The following MECOM variants were observed in gnomAD, a reference collection of about 807,000 sequenced individuals.
MECOM encodes the protein MDS1 and EVI1 complex locus, also known as histone-lysine N-methyltransferase MECOM.
In MECOM, 13 loss-of-function variants were observed where a neutral mutation model predicts 116.3. That is an observed-to-expected ratio of 0.11 (90% CI 0.07 to 0.18). The LOEUF (loss-of-function observed/expected upper bound fraction) is 0.18. Ranked by LOEUF, MECOM falls within the 10% of genes least tolerant of loss-of-function variation. The pLI, the probability that MECOM is intolerant of heterozygous loss-of-function variation, is 1.00. For missense variants in MECOM, 1,299 were observed against 1,509.0 expected, an observed-to-expected ratio of 0.86 and a Z score of 2.31; for synonymous variants, 528 against 535.2, an observed-to-expected ratio of 0.99 and a Z score of 0.19.
chr3:169,494,611 C>T (rs1029025394), intron 1 of MECOM, among the ~76,000 whole-genome samples: 4 of 152,216 alleles, frequency 2.6e-5, no homozygotes, highest in South Asian at 2.1e-4. Flanking sequence ...TTTTATTATA[C>T]ACCACTAAGA....
intron 1 of MECOM, among the ~76,000 whole-genome samples, chr3:169,581,744 G>A (rs1765148415): frequency 6.6e-6 from 1 of 152,194 alleles, no homozygotes; most frequent in Non-Finnish European, 1.5e-5. Flanking sequence ...ATGTGTTAGA[G>A]ACACTGAAAG....
Position 169,131,349 on chromosome 3 carries a change from C to A in MECOM, c.613+80G>T, listed in dbSNP as rs1444074890. The A allele has an allele frequency of 2.6e-5, 31 of 1,206,984 alleles. No individual in the cohort carries two copies. The East Asian group carries it at 6.6e-4, about 26-fold the overall frequency. The allele number at this position is 1,206,984 out of a possible 1,614,324, so 74.8% of individuals were successfully genotyped here. A position where few individuals can be genotyped will look rare whatever the true frequency, so the allele number is the denominator to read the frequency against. ...AAAAGCCAGGGAAACTAACAAACAC[C>A]AGGAACAATGGATGCTTTCGATGCT... On this transcript the variant is annotated intron_variant, in intron 4 of 16. Coordinates refer to ENST00000651503, the MANE Select transcript of MECOM (RefSeq NM_004991.4).
At chr3:169,262,421 G>A (rs1282506085) in intron 2 of MECOM, among the ~76,000 whole-genome samples, 1 of 152,150 alleles carries the variant, frequency 6.6e-6, no homozygotes, top group Non-Finnish European at 1.5e-5. Flanking sequence ...ATGCTTCTCA[G>A]ATATCAAGAA....
intron 1 of MECOM, among the ~76,000 whole-genome samples, chr3:169,433,704 G>GAAAGA: frequency 1.3e-5 from 2 of 151,040 alleles, no homozygotes; most frequent in South Asian, 2.1e-4. Context: ...AGAAAGAAAA[G>GAAAGA]AAAGAAAGAA....
At chr3:169,281,940 C>T (rs1164712445) in intron 2 of MECOM, among the ~76,000 whole-genome samples, 1 of 152,148 alleles carries the variant, frequency 6.6e-6, no homozygotes, top group African/African-American at 2.4e-5. Flanking sequence ...CACATTATTT[C>T]CTTGGGACTA....
intron 1 of MECOM, among the ~76,000 whole-genome samples, chr3:169,539,538 C>T (rs558949800): frequency 4.6e-5 from 7 of 152,280 alleles, no homozygotes; most frequent in African/African-American, 1.7e-4. Flanking sequence ...TCACCACCAC[C>T]CACTCATCTC....
In MECOM at chr3:169,178,760, G is replaced by A. The variant is rs73031245; in HGVS notation, c.376-34928C>T. On this transcript the variant is annotated intron_variant, in intron 2 of 16. Coordinates refer to ENST00000651503, the MANE Select transcript of MECOM (RefSeq NM_004991.4). ...TGTGATAAATCCTAGGATATGTTAC[G>A]CTAGATATCCAACATCCAATGTTTT... Among the ~76,000 whole-genome samples the A allele has an allele frequency of 5.0e-3, 758 of 152,130 alleles. 11 individuals are homozygous for A. The highest frequency in any genetic ancestry group is 0.017 in the African/African-American group (689 of 41,482).
At chr3:169,147,741 AGT>A (rs555989833) in intron 2 of MECOM, 2 of 917,328 alleles carry the variant, frequency 2.2e-6, no homozygotes, top group Non-Finnish European at 1.3e-6. Context: ...TGTGCGCGCG[AGT>A]GTGTGTGTGC....
At chr3:169,160,785 T>G (rs986473815) in intron 2 of MECOM, among the ~76,000 whole-genome samples, 1 of 152,042 alleles carries the variant, frequency 6.6e-6, no homozygotes, top group Non-Finnish European at 1.5e-5. Context: ...AAATATCTCA[T>G]GTACCCCATA....
At chr3:169,585,896 G>T (rs1165778146) in intron 1 of MECOM, among the ~76,000 whole-genome samples, 1 of 152,170 alleles carries the variant, frequency 6.6e-6, no homozygotes, top group African/African-American at 2.4e-5. Context: ...AGAAAAAAAT[G>T]TTAAGAACAT....
chr3:169,256,059 G>A (rs1356776552), intron 2 of MECOM, among the ~76,000 whole-genome samples: 1 of 152,006 alleles, frequency 6.6e-6, no homozygotes, highest in African/African-American at 2.4e-5. Flanking sequence ...TCATTCTCTG[G>A]TTTTTCTAGA....
chr3:169,127,939 G>A lies in MECOM; in HGVS notation c.735C>T (p.Asp245=), dbSNP rs1176170635. Residue 245 remains aspartate (D), a synonymous_variant, in exon 5 of 17, where the codon GAC becomes GAT. Transcript: ENST00000651503. ...TCTCGCTTTCGAGTTTTTGCTGAAA[G>A]TCCTCTTCAACCATTGAAAATGCTG... The part of the protein sequence containing the change: ...PHSAFSMVEE[D]FQQKLESEND... 6.2e-7 allele frequency: 1 copy of A among 1,614,104 alleles called. No individual in the cohort carries two copies. Among genetic ancestry groups the A allele is most frequent in the Non-Finnish European group, 8.5e-7 (1 of 1,179,952 alleles).
chr3:169,398,816 G>T (rs770279550), intron 1 of MECOM, among the ~76,000 whole-genome samples: 3 of 152,176 alleles, frequency 2.0e-5, no homozygotes, highest in Non-Finnish European at 4.4e-5. Context: ...ACATCAGAAA[G>T]TCTTAGGTGC....
chr3:169,553,259 TA>T (rs1299565625), intron 1 of MECOM, among the ~76,000 whole-genome samples: 1 of 151,876 alleles, frequency 6.6e-6, no homozygotes, highest in Admixed American at 6.6e-5. Context: ...AAATAAAGCA[TA>T]AAAAAGGGGG....
At chr3:169,117,061 T>TCTC (rs1403976677) in intron 7 of MECOM, among the ~76,000 whole-genome samples, 1 of 152,194 alleles carries the variant, frequency 6.6e-6, no homozygotes, top group African/African-American at 2.4e-5. Context: ...ATGCATTGAT[T>TCTC]CTCCACACAA....
intron 1 of MECOM, chr3:169,476,989 C>T (rs1578208540): frequency 6.6e-6 from 1 of 150,392 alleles, no homozygotes; most frequent in East Asian, 2.0e-4. Context: ...TTACCTGCTG[C>T]TATGGATAAA....
chr3:169,626,815 C>T (rs1221820519), intron 1 of MECOM, among the ~76,000 whole-genome samples: 4 of 151,026 alleles, frequency 2.6e-5, no homozygotes, highest in Non-Finnish European at 5.9e-5. Flanking sequence ...TTTAAGGTTT[C>T]TTTTCTCTTT....
intron 1 of MECOM, among the ~76,000 whole-genome samples, chr3:169,395,010 T>TCCAAGAAACA (rs1398235411): frequency 6.6e-6 from 1 of 152,156 alleles, no homozygotes; most frequent in Non-Finnish European, 1.5e-5. Flanking sequence ...TATAAATTCT[T>TCCAAGAAACA]CCAAGAAACA....
chr3:169,299,221 C>T (rs998370978), intron 2 of MECOM, among the ~76,000 whole-genome samples: 2 of 152,162 alleles, frequency 1.3e-5, no homozygotes, highest in Non-Finnish European at 1.5e-5. Context: ...ACTCAGGAGG[C>T]CCGTTTATTG....
Sources: allele counts gnomAD v4.1 joint callset (sites outside exome capture counted in the v4.1 genomes callset), GRCh38; gene constraint gnomAD v4.1.1; transcripts MANE v1.5; gene names NCBI Gene and HGNC (gene_info 2026-07-23, HGNC 2026-07-21).